Variants in RPAP2 observed in about 807,000 individuals in gnomAD.
RPAP2 encodes putative RNA polymerase II subunit B1 CTD phosphatase RPAP2.
A neutral mutation model predicts 73.1 loss-of-function variants in RPAP2; 52 were observed. The observed-to-expected ratio is 0.71, with a 90% CI of 0.57 to 0.90. The LOEUF (loss-of-function observed/expected upper bound fraction) is 0.90. Ranked by LOEUF, RPAP2 falls within the 40% of genes least tolerant of loss-of-function variation. The pLI is 0.00. For missense variants in RPAP2, 598 were observed against 701.8 expected, an observed-to-expected ratio of 0.85 and a Z score of 1.67; for synonymous variants, 225 against 242.1, an observed-to-expected ratio of 0.93 and a Z score of 0.65.
chr1:92,309,169 C>T (rs146179660), intron 6 of RPAP2, among the ~76,000 whole-genome samples: 7 of 152,090 alleles, frequency 4.6e-5, no homozygotes, highest in Non-Finnish European at 7.4e-5. Context: ...TTGTGCCGGG[C>T]GTGGTGGCTT....
chr1:92,306,651 C>T (rs1651257317), intron 5 of RPAP2, among the ~76,000 whole-genome samples: 3 of 151,948 alleles, frequency 2.0e-5, no homozygotes. Flanking sequence ...AGAGACCAGC[C>T]TGGGCAACAA....
At chr1:92,299,170 CT>C in intron 1 of RPAP2, 24 bp downstream of exon 1, 2 of 1,410,810 alleles carry the variant, frequency 1.4e-6, no homozygotes, top group Non-Finnish European at 1.9e-6. Flanking sequence ...TCTCTTCCCA[CT>C]TTTGGACCCT....
At chr1:92,384,449 C>A (rs1304150841) in intron 12 of RPAP2, among the ~76,000 whole-genome samples, 2 of 150,438 alleles carry the variant, frequency 1.3e-5, no homozygotes, top group East Asian at 2.0e-4. Context: ...CATGGTGAAA[C>A]CCTGTCTCTA....
chr1:92,381,315 G>C (rs900792067), intron 12 of RPAP2, among the ~76,000 whole-genome samples: 5 of 152,138 alleles, frequency 3.3e-5, no homozygotes, highest in African/African-American at 1.2e-4. Context: ...TTCATGTACA[G>C]ATAAGCAGGT....
chr1:92,391,846 C>T lies in RPAP2; in HGVS notation c.*4835C>T, dbSNP rs1436555730. ...AGACTAAACCAGGAAGAAGTTGAAT[C>T]TCTGAATAAACCAGTAACAGGTTCT... is the stretch of plus-strand genomic sequence containing the variant. On this transcript the variant is annotated 3_prime_UTR_variant, in exon 13 of 13. Transcript: ENST00000610020. 1.3e-5 allele frequency: 2 copies of T among 152,160 alleles called. No homozygotes were observed. Among genetic ancestry groups the T allele is most frequent in the African/African-American group, 4.8e-5 (2 of 41,434 alleles). 9.4% of individuals were successfully genotyped at this position (152,160 alleles called of 1,614,324 possible). A position where few individuals can be genotyped will look rare whatever the true frequency, so the allele number is the denominator to read the frequency against.
intron 12 of RPAP2, among the ~76,000 whole-genome samples, chr1:92,381,552 C>T (rs1449079586): frequency 1.3e-5 from 2 of 150,078 alleles, no homozygotes; most frequent in East Asian, 3.9e-4. Flanking sequence ...GGAAATTCAT[C>T]CTAAGCTACA....
intron 11 of RPAP2, among the ~76,000 whole-genome samples, chr1:92,374,881 A>G (rs1173346685): frequency 6.6e-6 from 1 of 152,132 alleles, no homozygotes; most frequent in African/African-American, 2.4e-5. Flanking sequence ...TGCTTGGGTG[A>G]TGGGTGCACC....
chr1:92,322,994 TA>T (rs1652384687), intron 7 of RPAP2, among the ~76,000 whole-genome samples: 1 of 146,664 alleles, frequency 6.8e-6, no homozygotes, highest in Non-Finnish European at 1.5e-5. Flanking sequence ...TATATGTAAA[TA>T]TGTGTACATA....
At position 92,393,743 on chromosome 1, in the gene RPAP2, T is replaced by A. The variant is rs1410172366; in HGVS notation, c.*6732T>A. ...ATGAAAAAATGCTCATCATCACTAG[T>A]CATTAGAGAAATGAAAATCAAAACC... On this transcript the variant is annotated 3_prime_UTR_variant, in exon 13 of 13. Coordinates refer to ENST00000610020, the MANE Select transcript of RPAP2 (RefSeq NM_024813.3). The A allele has an allele frequency of 1.3e-5, 2 of 152,276 alleles. No individual in the cohort carries two copies. Among genetic ancestry groups the A allele is most frequent in the East Asian group, 3.9e-4 (2 of 5,190 alleles). The allele number at this position is 152,276 out of a possible 1,614,324, so 9.4% of individuals were successfully genotyped here.
At chr1:92,333,330 T>G in intron 8 of RPAP2, 61 bp from the exon 9 acceptor site, 1 of 1,326,796 alleles carries the variant, frequency 7.5e-7, no homozygotes, top group South Asian at 1.2e-5. Flanking sequence ...ATTGTTCTGC[T>G]TATCAAAGAA....
chr1:92,335,383 AAAG>A (rs1320779420), intron 9 of RPAP2, among the ~76,000 whole-genome samples: 7 of 152,228 alleles, frequency 4.6e-5, no homozygotes, highest in Non-Finnish European at 1.0e-4. Context: ...CTGGTCTTAA[AAAG>A]AAGCTTAAAA....
At position 92,301,538 on chromosome 1, in the gene RPAP2, T is replaced by C. The variant is rs1226312646; in HGVS notation, c.182T>C (p.Ile61Thr). The change falls in exon 3 of 13, where the codon ATT becomes ACT. Residue 61 changes from isoleucine to threonine, a missense_variant. By Grantham distance (89) the Ile-to-Thr change is moderately conservative. Coordinates refer to ENST00000610020, the MANE Select transcript of RPAP2 (RefSeq NM_024813.3). ...KIEFERKALH[I>T]VEQLLEENIT... ...GAATTTGAGAGAAAAGCTCTACATA[T>C]TGTTGAACAGCTTTTAGAGGAGAAT... 1.9e-6 allele frequency: 3 copies of C among 1,594,342 alleles called. No homozygotes were observed. Among genetic ancestry groups the C allele is most frequent in the South Asian group, 1.1e-5 (1 of 87,694 alleles).
intron 6 of RPAP2, among the ~76,000 whole-genome samples, chr1:92,314,873 C>T (rs1162631109): frequency 3.3e-5 from 5 of 151,816 alleles, no homozygotes; most frequent in Non-Finnish European, 4.4e-5. Context: ...GGCAAAACCC[C>T]GTCTCTACTA....
chr1:92,306,127 A>G (rs544242768), intron 5 of RPAP2, among the ~76,000 whole-genome samples: 36 of 152,362 alleles, frequency 2.4e-4, no homozygotes, highest in African/African-American at 8.4e-4. Flanking sequence ...GCCAGCACAA[A>G]AGGACAAATA....
intron 9 of RPAP2, 21 bp from the exon 10 acceptor site, chr1:92,336,326 A>AT (rs1271643536): frequency 1.9e-5 from 29 of 1,563,152 alleles, no homozygotes; most frequent in Non-Finnish European, 2.4e-5. Flanking sequence ...TTTAAAATAA[A>AT]TGTAATTTTT....
In RPAP2 at chr1:92,337,378, T is replaced by C. The variant is rs563447154; in HGVS notation, c.1619+951T>C. Among the ~76,000 whole-genome samples, 4 of 152,224 alleles carry C rather than the reference T, an allele frequency of 2.6e-5. No individual in the cohort carries two copies. The East Asian group carries it at 7.7e-4, about 29-fold the overall frequency. ...TTTTAAACTGGCAAATTTAAAAACA[T>C]CAGTAACCTTTTTGTATGCCAAAAG... On this transcript the variant is annotated intron_variant, in intron 10 of 12. Transcript: ENST00000610020.
chr1:92,304,268 ACTTT>A lies in RPAP2; in HGVS notation c.334-11_334-8del, dbSNP rs369277742. ...TTATTTGGATTCTTTTGTAAGCTGT[ACTTT>A]CTTTTCTTTAGGTACCAAAACAGAA... On this transcript the variant is annotated splice_polypyrimidine_tract_variant and intron_variant, in intron 4 of 12. Transcript: ENST00000610020. 7.1e-7 allele frequency: 1 copy of A among 1,414,622 alleles called. No homozygotes were observed. The highest frequency in any genetic ancestry group is 1.4e-5 in the African/African-American group (1 of 69,986). 87.6% of individuals were successfully genotyped at this position (1,414,622 alleles called of 1,614,324 possible).
At chr1:92,359,973 T>G (rs1654653435) in intron 11 of RPAP2, among the ~76,000 whole-genome samples, 1 of 138,834 alleles carries the variant, frequency 7.2e-6, no homozygotes, top group African/African-American at 2.8e-5. Context: ...CTACATTATT[T>G]TATTTGATTC....
At chr1:92,335,017 G>A (rs983420882) in intron 9 of RPAP2, among the ~76,000 whole-genome samples, 6 of 151,642 alleles carry the variant, frequency 4.0e-5, no homozygotes, top group East Asian at 1.9e-4. Flanking sequence ...AAAATTAATC[G>A]GGTGTTGTGG....
Sources: gnomAD v4.1 joint callset for allele counts (sites outside exome capture counted in the v4.1 genomes callset) on GRCh38, gnomAD v4.1.1 for gene constraint, MANE v1.5 for transcripts, NCBI Gene and HGNC (gene_info 2026-07-23, HGNC 2026-07-21) for gene names.